The following LYZL6 variants were observed in gnomAD, a reference collection of about 807,000 sequenced individuals.
LYZL6 encodes lysozyme-like protein 6.
A neutral mutation model predicts 15.0 loss-of-function variants in LYZL6; 21 were observed. That is an observed-to-expected ratio of 1.40 (90% CI 1.00 to 2.02). The LOEUF is 2.02. LYZL6 is among the 30% of genes most tolerant of loss of function. The pLI, the probability that LYZL6 is intolerant of heterozygous loss-of-function variation, is 0.00. For synonymous variants in LYZL6, 72 were observed against 67.8 expected, an observed-to-expected ratio of 1.06 and a Z score of -0.31; for missense variants, 173 against 180.5, an observed-to-expected ratio of 0.96 and a Z score of 0.24.
intron 3 of LYZL6, 38 bp from the exon 4 acceptor site, chr17:35,936,871 A>C (rs1225790644): frequency 2.5e-6 from 4 of 1,575,272 alleles, no homozygotes; most frequent in East Asian, 4.5e-5. Flanking sequence ...AGGGCACAGA[A>C]GACAGCCCCA....
In LYZL6 at chr17:35,940,107, C is replaced by T. The variant is rs79324148; in HGVS notation, c.-202-549G>A. ...TTCACATTGTGTATGTGTGTGTGCG[C>T]GTGTGTGTGTGTTGAATAGCAAGGG... On this transcript the variant is annotated intron_variant, in intron 1 of 4. Transcript: ENST00000615905. Among the ~76,000 whole-genome samples the T allele has an allele frequency of 7.3e-3, 1,113 of 151,884 alleles. 20 individuals carry two copies. The highest frequency in any genetic ancestry group is 0.025 in the African/African-American group (1,030 of 41,414).
At position 35,939,250 on chromosome 17, in the gene LYZL6, A is replaced by G; in HGVS notation, c.107T>C (p.Leu36Ser). 6.2e-7 allele frequency: 1 copy of G among 1,614,206 alleles called. No homozygotes were observed. The highest frequency in any genetic ancestry group is 8.5e-7 in the Non-Finnish European group (1 of 1,180,020). Residue 36 changes from leucine to serine, a missense_variant, in exon 2 of 5, where the codon TTG becomes TCG. Physicochemically the swap from Leu to Ser is moderately radical, Grantham distance 145 (BLOSUM62 -2). Transcript: ENST00000615905. ...CAGGGAGTAACCCTCAAACCCATCC[A>G]AGTCCTCCAGCTGCAGCACCTGGGC... is the stretch of plus-strand genomic sequence containing the variant. Reference protein sequence around the residue: ...DLAQVLQLEDLDGFEGYSLSD... With the variant: ...DLAQVLQLEDSDGFEGYSLSD...
Position 35,935,269 on chromosome 17 carries a change from C to T in LYZL6, c.378-404G>A, listed in dbSNP as rs115885121. Reference sequence around the variant, plus strand: ...TATGCAGGGGATTTGACTCCTTCCACAGTTGCCTGTAGAGGCAGCCATTTG... The same window carrying T: ...TATGCAGGGGATTTGACTCCTTCCATAGTTGCCTGTAGAGGCAGCCATTTG... On this transcript the variant is annotated intron_variant, in intron 4 of 4. Coordinates refer to ENST00000615905, the MANE Select transcript of LYZL6 (RefSeq NM_020426.4). Among the ~76,000 whole-genome samples, 1,147 of 152,252 alleles carry T rather than the reference C, an allele frequency of 7.5e-3. 15 individuals are homozygous for T. The highest frequency in any genetic ancestry group is 0.026 in the African/African-American group (1,093 of 41,524).
At chr17:35,943,162 T>C (rs2089436452) in intron 1 of LYZL6, among the ~76,000 whole-genome samples, 1 of 152,142 alleles carries the variant, frequency 6.6e-6, no homozygotes, top group African/African-American at 2.4e-5. Context: ...AAACTCCTGC[T>C]CCAAACTCAC....
intron 4 of LYZL6, among the ~76,000 whole-genome samples, chr17:35,935,224 C>G (rs1048925921): frequency 4.6e-5 from 7 of 151,530 alleles, no homozygotes; most frequent in African/African-American, 1.7e-4. Flanking sequence ...GCTGTCAATT[C>G]TTTTCTGTGG....
intron 4 of LYZL6, 133 bp from the exon 5 acceptor site, chr17:35,934,998 G>T: frequency 1.4e-6 from 1 of 705,450 alleles, no homozygotes. Context: ...CCTCTGGTCT[G>T]TCCTCCACTG....
chr17:35,936,678 C>T, intron 4 of LYZL6, 77 bp downstream of exon 4: 2 of 1,309,244 alleles, frequency 1.5e-6, no homozygotes, highest in East Asian at 2.3e-5. Context: ...CCCGTGAGTC[C>T]TTGCCTACTG....
Position 35,937,909 on chromosome 17 carries a change from G to T in LYZL6, c.147C>A (p.Cys49Ter). The T allele has an allele frequency of 6.2e-7, 1 of 1,613,646 alleles. No homozygotes were observed. The highest frequency in any genetic ancestry group is 8.5e-7 in the Non-Finnish European group (1 of 1,179,972). The change falls in exon 3 of 5, where the codon TGC becomes TGA. Residue 49 changes from cysteine (C) to a stop codon, truncating the protein, a stop_gained. Coordinates refer to ENST00000615905, the MANE Select transcript of LYZL6 (RefSeq NM_020426.4). LOFTEE classifies it high-confidence loss of function. ...FEGYSLSDWL[C>*]LAFVESKFNI... ...TGAACTTGCTTTCCACAAAAGCCAG[G>T]CACAGCCCTTAGAGTAGGGAGAAGA...
At chr17:35,936,983 C>T (rs2089379753) in intron 3 of LYZL6, 150 bp from the exon 4 acceptor site, 1 of 664,262 alleles carries the variant, frequency 1.5e-6, no homozygotes, top group East Asian at 2.7e-5. Context: ...TTAGACATCC[C>T]TACAATGGCT....
rs748769215 is a variant in LYZL6, at chr17:35,936,736, C to G, written c.377+19G>C. On this transcript the variant is annotated intron_variant, in intron 4 of 4. Coordinates refer to ENST00000615905, the MANE Select transcript of LYZL6 (RefSeq NM_020426.4). ...CTTCGTGGGGCTCTGCCCGCTGAGTCCCACCGTGTCCTCCTCACCAGTTGT... is the reference window on the plus strand; with the variant it reads ...CTTCGTGGGGCTCTGCCCGCTGAGTGCCACCGTGTCCTCCTCACCAGTTGT... The G allele has an allele frequency of 1.4e-5, 22 of 1,610,696 alleles. No individual in the cohort carries two copies. In the East Asian group the frequency reaches 4.9e-4, roughly 36 times the overall value.
At chr17:35,936,525 T>C (rs1384323255) in intron 4 of LYZL6, among the ~76,000 whole-genome samples, 1 of 152,172 alleles carries the variant, frequency 6.6e-6, no homozygotes, top group Non-Finnish European at 1.5e-5. Flanking sequence ...CCTCTCAGAA[T>C]AAATTTCCCC....
chr17:35,940,900 G>A (rs1401242761), intron 1 of LYZL6, among the ~76,000 whole-genome samples: 2 of 152,092 alleles, frequency 1.3e-5, no homozygotes, highest in Admixed American at 6.5e-5. Flanking sequence ...ACCATACTTC[G>A]TCTATCCATT....
chr17:35,937,418 T>A (rs2089384223), intron 3 of LYZL6, among the ~76,000 whole-genome samples: 1 of 152,230 alleles, frequency 6.6e-6, no homozygotes, highest in African/African-American at 2.4e-5. Flanking sequence ...AAAGTAGGGA[T>A]CATAAATGGT....
rs199917739 is a variant in LYZL6 at position 35,937,869 on chromosome 17, T to C, written c.187A>G (p.Asn63Asp). The change falls in exon 3 of 5, where the codon AAT becomes GAT. Residue 63 changes from asparagine (N) to aspartate (D), a missense_variant. Coordinates refer to ENST00000615905, the MANE Select transcript of LYZL6 (RefSeq NM_020426.4). The part of the protein sequence containing the change: ...VESKFNISKI[N>D]ENADGSFDYG... The stretch of plus-strand genomic sequence containing the variant: ...TCAAAGCTTCCGTCTGCATTTTCAT[T>C]TATCTTTGATATGTTGAACTTGCTT... The C allele has an allele frequency of 4.0e-5, 65 of 1,614,134 alleles. No individual in the cohort carries two copies. The highest frequency in any genetic ancestry group is 5.2e-5 in the Non-Finnish European group (61 of 1,180,026).
chr17:35,938,306 C>T (rs1252865075), intron 2 of LYZL6, among the ~76,000 whole-genome samples: 1 of 152,052 alleles, frequency 6.6e-6, no homozygotes, highest in Non-Finnish European at 1.5e-5. Context: ...TATGTACAAG[C>T]TTAAAAATAT....
At chr17:35,938,753 G>C (rs1208273648) in intron 2 of LYZL6, among the ~76,000 whole-genome samples, 1 of 152,152 alleles carries the variant, frequency 6.6e-6, no homozygotes, top group Non-Finnish European at 1.5e-5. Flanking sequence ...CTTTGTACTA[G>C]CTGTCCCCTC....
chr17:35,935,518 C>T (rs567643231), intron 4 of LYZL6, among the ~76,000 whole-genome samples: 8 of 151,758 alleles, frequency 5.3e-5, no homozygotes, highest in Admixed American at 2.6e-4. Flanking sequence ...CGGGTTCAAG[C>T]GATTCTCCTG....
chr17:35,935,546 G>C (rs1042192872), intron 4 of LYZL6, among the ~76,000 whole-genome samples: 2 of 151,816 alleles, frequency 1.3e-5, no homozygotes, highest in African/African-American at 4.8e-5. Context: ...CTCCCATGCA[G>C]CTTGCCTTAA....
rs1052049464 is a variant in LYZL6 at position 35,939,373 on chromosome 17, G to A, written c.-17C>T. 3 of 1,613,362 alleles carry A rather than the reference G, an allele frequency of 1.9e-6. No individual in the cohort carries two copies. In the African/African-American group the frequency reaches 4.0e-5, roughly 22 times the overall value. Reference sequence around the variant, plus strand: ...CTTTGTCATCCTTGGAGGGGAGGAGGTGCAGCTGAGGGCTGATGGTTCTTA... The same window carrying A: ...CTTTGTCATCCTTGGAGGGGAGGAGATGCAGCTGAGGGCTGATGGTTCTTA... On this transcript the variant is annotated 5_prime_UTR_variant, in exon 2 of 5. Coordinates refer to ENST00000615905, the MANE Select transcript of LYZL6 (RefSeq NM_020426.4).
Sources: gnomAD v4.1 joint callset for allele counts (sites outside exome capture counted in the v4.1 genomes callset) on GRCh38, gnomAD v4.1.1 for gene constraint, MANE v1.5 for transcripts, NCBI Gene and HGNC (gene_info 2026-07-23, HGNC 2026-07-21) for gene names.